The following MRPL45 variants were observed in gnomAD, a reference collection of about 807,000 sequenced individuals.
The protein encoded by MRPL45 is large ribosomal subunit protein mL45.
A neutral mutation model predicts 38.1 loss-of-function variants in MRPL45; 20 were observed. The observed-to-expected ratio is 0.53, with a 90% CI of 0.37 to 0.76. The LOEUF (loss-of-function observed/expected upper bound fraction) is 0.76. Ranked by LOEUF, MRPL45 falls within the 30% of genes least tolerant of loss-of-function variation. The probability of loss-of-function intolerance (pLI) is 0.00; values close to 1 mark genes in which losing one functional copy is unlikely to be tolerated. For synonymous variants in MRPL45, 105 were observed against 128.8 expected, an observed-to-expected ratio of 0.82 and a Z score of 1.25; for missense variants, 337 against 395.6, an observed-to-expected ratio of 0.85 and a Z score of 1.26.
chr17:38,303,196 AT>A (rs1054493077), intron 3 of MRPL45, among the ~76,000 whole-genome samples: 1 of 143,476 alleles, frequency 7.0e-6, no homozygotes, highest in Non-Finnish European at 1.5e-5. Flanking sequence ...TGCATAATAT[AT>A]TTTTTTTTCC....
intron 3 of MRPL45, among the ~76,000 whole-genome samples, chr17:38,303,155 A>ATAT (rs1434033068): frequency 6.6e-6 from 1 of 152,132 alleles, no homozygotes; most frequent in Non-Finnish European, 1.5e-5. Flanking sequence ...CAGCTGAGTT[A>ATAT]TATAGTACAT....
intron 4 of MRPL45, among the ~76,000 whole-genome samples, chr17:38,314,728 C>T (rs2037157361): frequency 6.6e-6 from 1 of 152,058 alleles, no homozygotes; most frequent in Non-Finnish European, 1.5e-5. Context: ...CTGTGCTTTC[C>T]CATTAAGTGG....
chr17:38,306,119 T>C (rs1185366781), intron 3 of MRPL45, among the ~76,000 whole-genome samples: 1 of 151,602 alleles, frequency 6.6e-6, no homozygotes, highest in African/African-American at 2.4e-5. Context: ...CATTAAAAAA[T>C]CAATTATTGG....
intron 6 of MRPL45, 71 bp downstream of exon 6, chr17:38,320,838 T>C: frequency 6.8e-7 from 1 of 1,479,420 alleles, no homozygotes; most frequent in Non-Finnish European, 9.4e-7. Context: ...TCTGGAGTGC[T>C]GGGTATGGTT....
intron 5 of MRPL45, among the ~76,000 whole-genome samples, chr17:38,319,171 G>T (rs570478500): frequency 8.7e-4 from 132 of 152,000 alleles, no homozygotes; most frequent in Non-Finnish European, 1.3e-3. Flanking sequence ...GAGTAGCTGG[G>T]ACTACAGGCA....
rs183950482 is a variant in MRPL45, at chr17:38,303,722, C to T, written c.363-2811C>T. On this transcript the variant is annotated intron_variant, in intron 3 of 7. Coordinates refer to ENST00000613675, the MANE Select transcript of MRPL45 (RefSeq NM_032351.6). ...TTAGGATCTAAGATTCCTCTTGCCT[C>T]CGTCTTCTTTTCTTTTTTTTTTGAG... Among the ~76,000 whole-genome samples the T allele has an allele frequency of 3.3e-3, 493 of 151,540 alleles. 3 individuals carry two copies. Among genetic ancestry groups the T allele is most frequent in the African/African-American group, 0.011 (464 of 41,334 alleles).
At chr17:38,297,868 C>G (rs912368918) in intron 1 of MRPL45, among the ~76,000 whole-genome samples, 27 of 152,120 alleles carry the variant, frequency 1.8e-4, no homozygotes, top group Admixed American at 4.6e-4. Context: ...AAGTCCGAGG[C>G]AGAAGGATGG....
intron 4 of MRPL45, among the ~76,000 whole-genome samples, chr17:38,312,476 A>G (rs935597199): frequency 1.3e-5 from 2 of 151,902 alleles, no homozygotes; most frequent in African/African-American, 4.8e-5. Context: ...TGCTCCTGTG[A>G]TTGTTGGTGT....
At chr17:38,312,984 G>GTTTTTTT (rs71138604) in intron 4 of MRPL45, among the ~76,000 whole-genome samples, 1 of 113,676 alleles carries the variant, frequency 8.8e-6, no homozygotes, top group Admixed American at 1.2e-4. Flanking sequence ...CTTTTTATTG[G>GTTTTTTT]TTTTTTTTTT....
chr17:38,299,258 T>C (rs2036967413), intron 2 of MRPL45, 93 bp from the exon 3 acceptor site: 3 of 789,454 alleles, frequency 3.8e-6, no homozygotes, highest in African/African-American at 1.8e-5. Flanking sequence ...CTACTTCATA[T>C]CCACAATCCT....
At chr17:38,321,494 C>T (rs1337223895) in intron 6 of MRPL45, among the ~76,000 whole-genome samples, 1 of 151,126 alleles carries the variant, frequency 6.6e-6, no homozygotes, top group Admixed American at 6.6e-5. Flanking sequence ...AGTTCAAGAC[C>T]AGCCTGGCCA....
chr17:38,309,094 A>G (rs1359896304), intron 4 of MRPL45, among the ~76,000 whole-genome samples: 1 of 149,622 alleles, frequency 6.7e-6, no homozygotes, highest in Non-Finnish European at 1.5e-5. Flanking sequence ...TTTAGTAGAG[A>G]CAGGGTTTCA....
Position 38,297,273 on chromosome 17 carries a change from G to C in MRPL45, c.66+24G>C, listed in dbSNP as rs369593644. 89 of 1,606,126 alleles carry C rather than the reference G, an allele frequency of 5.5e-5. No individual in the cohort carries two copies. In the African/African-American group the frequency reaches 1.1e-3, roughly 21 times the overall value. On this transcript the variant is annotated intron_variant, in intron 1 of 7. Transcript: ENST00000613675. ...AGGTGGGTAGGGACGGGGCCGATAG[G>C]ACCCTAGGGGCTACAGGAGAGGACA...
At chr17:38,321,579 T>G (rs1352142260) in intron 6 of MRPL45, among the ~76,000 whole-genome samples, 1 of 151,990 alleles carries the variant, frequency 6.6e-6, no homozygotes, top group Non-Finnish European at 1.5e-5. Context: ...TAGTCCCACC[T>G]ACTCAGGAGG....
chr17:38,322,153 C>A lies in MRPL45; in HGVS notation c.688C>A (p.Arg230=), dbSNP rs746853026. Residue 230 remains arginine, a synonymous_variant, in exon 7 of 8, where the codon CGG becomes AGG. Coordinates refer to ENST00000613675, the MANE Select transcript of MRPL45 (RefSeq NM_032351.6). Reference sequence around the variant, plus strand: ...TCTGGCCATCTATGACCGGTTTGGCCGGTTGATGTATGGACAGGAAGATGT... The same window carrying A: ...TCTGGCCATCTATGACCGGTTTGGCAGGTTGATGTATGGACAGGAAGATGT... ...QTLAIYDRFG[R]LMYGQEDVPK... is the part of the protein sequence containing the mutation. 6.2e-7 allele frequency: 1 copy of A among 1,614,034 alleles called. No homozygotes were observed. The highest frequency in any genetic ancestry group is 2.2e-5 in the East Asian group (1 of 44,880).
At chr17:38,303,176 T>C (rs2037016090) in intron 3 of MRPL45, among the ~76,000 whole-genome samples, 1 of 152,162 alleles carries the variant, frequency 6.6e-6, no homozygotes, top group Non-Finnish European at 1.5e-5. Context: ...TATGAACACT[T>C]TTTCTTTCCT....
chr17:38,311,140 A>G (rs947090045), intron 4 of MRPL45, among the ~76,000 whole-genome samples: 3 of 152,114 alleles, frequency 2.0e-5, no homozygotes, highest in East Asian at 1.9e-4. Context: ...TTCATCTCAG[A>G]CAGGAATTTT....
chr17:38,320,726 A>T lies in MRPL45; in HGVS notation c.619A>T (p.Asn207Tyr), dbSNP rs768514292. The T allele has an allele frequency of 3.1e-6, 5 of 1,614,194 alleles. No individual in the cohort carries two copies. The highest frequency in any genetic ancestry group is 4.2e-6 in the Non-Finnish European group (5 of 1,180,040). ...CTGTTCAAGTATGATGAACCAGGGC[A>T]ACGTGTACGGCCAGATCACCGTACG... ...VRCSSMMNQGNVYGQITVRMH... is the reference protein window; with the variant it reads ...VRCSSMMNQGYVYGQITVRMH... Residue 207 changes from asparagine to tyrosine, a missense_variant, in exon 6 of 8, where the codon AAC becomes TAC. Physicochemically the swap from Asn to Tyr is moderately radical, Grantham distance 143. Around this residue, in one of 3 missense-constraint regions of MRPL45, gnomAD observed 251 missense variants for 269.1 expected, o/e 0.93. Coordinates refer to ENST00000613675, the MANE Select transcript of MRPL45 (RefSeq NM_032351.6).
intron 4 of MRPL45, among the ~76,000 whole-genome samples, chr17:38,314,165 C>A (rs1384582112): frequency 6.6e-6 from 1 of 151,960 alleles, no homozygotes; most frequent in Non-Finnish European, 1.5e-5. Context: ...AGTGCAATGG[C>A]GTGATCTCGG....
Sources: allele counts gnomAD v4.1 joint callset (sites outside exome capture counted in the v4.1 genomes callset), GRCh38; gene constraint gnomAD v4.1.1; regional missense constraint gnomAD v4.1.1; transcripts MANE v1.5; gene names NCBI Gene and HGNC (gene_info 2026-07-23, HGNC 2026-07-21).